The following ESYT3 variants were observed in gnomAD, a reference collection of about 807,000 sequenced individuals.
ESYT3 encodes the protein extended synaptotagmin-3.
Under a neutral mutation model 111.5 loss-of-function variants are expected in ESYT3, and 101 were observed. That is an observed-to-expected ratio of 0.91 (90% CI 0.77 to 1.07). The LOEUF (loss-of-function observed/expected upper bound fraction) is 1.07, where lower values mean the gene tolerates loss of function less well. ESYT3 is among the 50% of genes least tolerant of loss of function. ESYT3 has a pLI of 0.00. For missense variants in ESYT3, 1,097 were observed against 1,109.4 expected (o/e 0.99, Z 0.16); for synonymous variants, 416 against 446.8 (o/e 0.93, Z 0.87).
chr3:138,471,310 A>G (rs567308824), intron 17 of ESYT3, among the ~76,000 whole-genome samples: 1 of 152,220 alleles, frequency 6.6e-6, no homozygotes, highest in South Asian at 2.1e-4. Context: ...CCTCAACTAA[A>G]TATTTCCCTT....
At chr3:138,459,359 A>G (rs917804179) in intron 5 of ESYT3, 106 bp downstream of exon 5, 2 of 844,494 alleles carry the variant, frequency 2.4e-6, no homozygotes, top group Non-Finnish European at 3.6e-6. Context: ...TGGTGGCAAC[A>G]CTAAACACAG....
Position 138,476,690 on chromosome 3 carries a change from G to T in ESYT3, c.2625-128G>T, listed in dbSNP as rs889613896. 1.5e-4 allele frequency: 170 copies of T among 1,129,828 alleles called. No individual in the cohort carries two copies. The highest frequency in any genetic ancestry group is 4.0e-5 in the Non-Finnish European group (30 of 758,652). 70.0% of individuals were successfully genotyped at this position (1,129,828 alleles called of 1,614,324 possible). On this transcript the variant is annotated intron_variant, in intron 22 of 22. Coordinates refer to ENST00000389567, the MANE Select transcript of ESYT3 (RefSeq NM_031913.5). Reference sequence around the variant, plus strand: ...TAGCCTTAACCCTGAACCCTGGCTGGCCAACTTACAGAGAGACAGGTTCTG... The same window carrying T: ...TAGCCTTAACCCTGAACCCTGGCTGTCCAACTTACAGAGAGACAGGTTCTG...
rs1281734388 is a variant in ESYT3 at position 138,476,846 on chromosome 3, A to G, written c.2653A>G (p.Arg885Gly). ...WYELTPNGQP[R>G]S ...TGAGCTGACTCCAAATGGACAGCCC[A>G]GAAGCTGATGATGAGAATTCTTATC... Residue 885 changes from arginine (R) to glycine (G), a missense_variant, in exon 23 of 23, where the codon AGA becomes GGA. Physicochemically the swap from Arg to Gly is moderately radical, Grantham distance 125. Transcript: ENST00000389567. The G allele has an allele frequency of 2.5e-6, 4 of 1,613,864 alleles. No individual in the cohort carries two copies. Among genetic ancestry groups the G allele is most frequent in the Admixed American group, 3.3e-5 (2 of 59,998 alleles).
rs757923076 is a variant in ESYT3 at position 138,476,803 on chromosome 3, G to A, written c.2625-15G>A. 28 of 1,613,440 alleles carry A rather than the reference G, an allele frequency of 1.7e-5. No homozygotes were observed. Among genetic ancestry groups the A allele is most frequent in the South Asian group, 5.5e-5 (5 of 91,042 alleles). On this transcript the variant is annotated splice_polypyrimidine_tract_variant and intron_variant, in intron 22 of 22. Transcript: ENST00000389567. The stretch of plus-strand genomic sequence containing the variant: ...GTCATTACTAACGTTAAGTCCAAAC[G>A]TAACTGTCTTACAGGTATGAGCTGA...
At chr3:138,449,907 G>T (rs1322762197) in intron 1 of ESYT3, among the ~76,000 whole-genome samples, 1 of 152,210 alleles carries the variant, frequency 6.6e-6, no homozygotes, top group Non-Finnish European at 1.5e-5. Flanking sequence ...TTTAATAGGG[G>T]TGAGGCCCAG....
At chr3:138,461,202 C>G (rs942490724) in intron 7 of ESYT3, among the ~76,000 whole-genome samples, 2 of 152,176 alleles carry the variant, frequency 1.3e-5, no homozygotes, top group Non-Finnish European at 2.9e-5. Flanking sequence ...ACACGAGTGT[C>G]CTTTCTTCCT....
At position 138,478,880 on chromosome 3, in the gene ESYT3, A is replaced by G. The variant is rs923422201; in HGVS notation, c.*2026A>G. On this transcript the variant is annotated 3_prime_UTR_variant, in exon 23 of 23. Coordinates refer to ENST00000389567, the MANE Select transcript of ESYT3 (RefSeq NM_031913.5). ...GAGCATAGGGTCTGAAGTTAACATC[A>G]TCTTGGTACAGAAACCCCCAAACCT... 6.6e-6 allele frequency: 1 copy of G among 152,050 alleles called. No homozygotes were observed. 9.4% of individuals were successfully genotyped at this position (152,050 alleles called of 1,614,324 possible).
rs962000285 is a variant in ESYT3 at position 138,435,745 on chromosome 3, G to C, written c.327+620G>C. On this transcript the variant is annotated intron_variant, in intron 1 of 22. Coordinates refer to ENST00000389567, the MANE Select transcript of ESYT3 (RefSeq NM_031913.5). The surrounding 1 kb of genome is among the most constrained non-coding windows in gnomAD (Gnocchi z 4.8). Reference sequence around the variant, plus strand: ...CACTGCCCCGACAAACCCATCTCCTGGGGCGGCATGGGCGGCACTACGATT... The same window carrying C: ...CACTGCCCCGACAAACCCATCTCCTCGGGCGGCATGGGCGGCACTACGATT... Among the ~76,000 whole-genome samples, 8 of 152,270 alleles carry C rather than the reference G, an allele frequency of 5.3e-5. No individual in the cohort carries two copies. The highest frequency in any genetic ancestry group is 1.9e-4 in the African/African-American group (8 of 41,550).
At chr3:138,448,868 A>C (rs2031737204) in intron 1 of ESYT3, among the ~76,000 whole-genome samples, 1 of 152,100 alleles carries the variant, frequency 6.6e-6, no homozygotes, top group Admixed American at 6.5e-5. Context: ...ATTCAGGCTA[A>C]GGGAGGGGCT....
intron 16 of ESYT3, chr3:138,470,493 T>C: frequency 1.8e-6 from 2 of 1,109,368 alleles, no homozygotes; most frequent in South Asian, 3.4e-5. Context: ...ACAAAAGATC[T>C]GTAGAGTAAG....
rs1002237233 is a variant in ESYT3, at chr3:138,434,711, G to A, written c.-88G>A. 8.1e-7 allele frequency: 1 copy of A among 1,236,836 alleles called. No homozygotes were observed. The highest frequency in any genetic ancestry group is 1.1e-6 in the Non-Finnish European group (1 of 922,428). 76.6% of individuals were successfully genotyped at this position (1,236,836 alleles called of 1,614,324 possible). Reference sequence around the variant, plus strand: ...GGGGGCGCGGCGTCCTGGTCCTCGAGCTTGGGAGACAGATGCGCATGGGCG... The same window carrying A: ...GGGGGCGCGGCGTCCTGGTCCTCGAACTTGGGAGACAGATGCGCATGGGCG... On this transcript the variant is annotated 5_prime_UTR_variant, in exon 1 of 23. Coordinates refer to ENST00000389567, the MANE Select transcript of ESYT3 (RefSeq NM_031913.5).
chr3:138,449,014 G>A (rs113610870), intron 1 of ESYT3, among the ~76,000 whole-genome samples: 5,651 of 151,982 alleles, frequency 0.037, 329 homozygotes, highest in African/African-American at 0.13. Context: ...GTGGGCAATC[G>A]AGAGAAACCA....
intron 20 of ESYT3, among the ~76,000 whole-genome samples, chr3:138,475,210 A>AT (rs2033426281): frequency 6.6e-6 from 1 of 152,148 alleles, no homozygotes; most frequent in South Asian, 2.1e-4. Context: ...CAAGTAAGAG[A>AT]TTTTGCCTTC....
chr3:138,450,961 A>G, intron 1 of ESYT3, among the ~76,000 whole-genome samples: 1 of 151,896 alleles, frequency 6.6e-6, no homozygotes, highest in Non-Finnish European at 1.5e-5. Context: ...GCATGGCCAC[A>G]GTGGTGGCTG....
In ESYT3 at chr3:138,476,095, A is replaced by G. The variant is rs953954363; in HGVS notation, c.2469-128A>G. ...GATACATCGTGAGTAGTTATGAGCCAGTCCTGCTCTAGGTGCTCCTAATAG... is the reference window on the plus strand; with the variant it reads ...GATACATCGTGAGTAGTTATGAGCCGGTCCTGCTCTAGGTGCTCCTAATAG... On this transcript the variant is annotated intron_variant, in intron 20 of 22. Coordinates refer to ENST00000389567, the MANE Select transcript of ESYT3 (RefSeq NM_031913.5). The G allele has an allele frequency of 1.7e-5, 11 of 646,342 alleles. No homozygotes were observed. The East Asian group carries it at 2.9e-4, about 17-fold the overall frequency. 40.0% of individuals were successfully genotyped at this position (646,342 alleles called of 1,614,324 possible). A position where few individuals can be genotyped will look rare whatever the true frequency, so the allele number is the denominator to read the frequency against.
chr3:138,468,999 C>T, intron 14 of ESYT3, 118 bp downstream of exon 14: 2 of 1,093,630 alleles, frequency 1.8e-6, no homozygotes, highest in Non-Finnish European at 2.8e-6. Context: ...CTGGGGATAA[C>T]AAGAGGTGCT....
chr3:138,459,123 C>T (rs1175606649), intron 4 of ESYT3, 64 bp from the exon 5 acceptor site: 40 of 1,384,500 alleles, frequency 2.9e-5, no homozygotes, highest in Middle Eastern at 1.9e-4. Flanking sequence ...GCAAGTTTCC[C>T]AACCTTTCTG....
Position 138,460,686 on chromosome 3 carries a change from T to A in ESYT3, c.794+20T>A, listed in dbSNP as rs2032581902. 6.2e-7 allele frequency: 1 copy of A among 1,613,658 alleles called. No homozygotes were observed. Among genetic ancestry groups the A allele is most frequent in the Non-Finnish European group, 8.5e-7 (1 of 1,179,746 alleles). ...AATCAAGTAGGTGCCTGGGAGAGCCTCGAGGGAGATCATAAGTTTGGGGGC... is the reference window on the plus strand; with the variant it reads ...AATCAAGTAGGTGCCTGGGAGAGCCACGAGGGAGATCATAAGTTTGGGGGC... On this transcript the variant is annotated intron_variant, in intron 7 of 22. Coordinates refer to ENST00000389567, the MANE Select transcript of ESYT3 (RefSeq NM_031913.5).
chr3:138,445,376 C>T (rs2031467942), intron 1 of ESYT3, among the ~76,000 whole-genome samples: 1 of 152,108 alleles, frequency 6.6e-6, no homozygotes, highest in South Asian at 2.1e-4. Context: ...TATGCAGTTG[C>T]CCCCATTGGG....
Sources: allele counts gnomAD v4.1 joint callset (sites outside exome capture counted in the v4.1 genomes callset), GRCh38; gene constraint gnomAD v4.1.1; non-coding constraint Gnocchi (gnomAD v3.1); transcripts MANE v1.5; gene names NCBI Gene and HGNC (gene_info 2026-07-23, HGNC 2026-07-21).